SHANK2: variants seen among roughly 807,000 people sequenced by gnomAD.
SHANK2 encodes the protein SH3 and multiple ankyrin repeat domains protein 2.
A neutral mutation model predicts 133.7 loss-of-function variants in SHANK2; 43 were observed. The ratio of observed to expected loss-of-function variants is 0.32; its 90% CI spans 0.25 to 0.41. The LOEUF (loss-of-function observed/expected upper bound fraction) is 0.41, where lower values mean the gene tolerates loss of function less well. Among genes scored for constraint, SHANK2 ranks in the 10% least tolerant of loss-of-function variants. The pLI, the probability that SHANK2 is intolerant of heterozygous loss-of-function variation, is 1.00. For synonymous variants in SHANK2, 1,017 were observed against 952.8 expected, an observed-to-expected ratio of 1.07 and a Z score of -1.24; for missense variants, 1,994 against 2,235.8, an observed-to-expected ratio of 0.89 and a Z score of 2.18.
intron 10 of SHANK2, among the ~76,000 whole-genome samples, chr11:70,949,170 G>T (rs1405096508): frequency 2.6e-5 from 4 of 152,210 alleles, no homozygotes; most frequent in African/African-American, 9.6e-5. Context: ...TGATTTGCTT[G>T]GTCACTCACA....
At chr11:70,745,617 A>G (rs1196644894) in intron 14 of SHANK2, among the ~76,000 whole-genome samples, 1 of 152,080 alleles carries the variant, frequency 6.6e-6, no homozygotes, top group Non-Finnish European at 1.5e-5. Flanking sequence ...GAGAGCCCCA[A>G]TCCTCTCCGG....
At chr11:70,630,999 A>C (rs2060977752) in intron 17 of SHANK2, 1 of 152,274 alleles carries the variant, frequency 6.6e-6, no homozygotes, top group South Asian at 2.1e-4. Flanking sequence ...ACAGGGAGCA[A>C]CTGGCAGCAG....
chr11:70,817,351 T>C (rs1256364176), intron 12 of SHANK2, among the ~76,000 whole-genome samples: 1 of 151,914 alleles, frequency 6.6e-6, no homozygotes, highest in African/African-American at 2.4e-5. Context: ...CCTGGACAGA[T>C]GGATATGGAC....
intron 10 of SHANK2, chr11:70,907,934 C>G: frequency 2.2e-6 from 1 of 450,730 alleles, no homozygotes; most frequent in Non-Finnish European, 4.5e-6. Context: ...AAACCCATCT[C>G]CACCAAAAAT....
At chr11:71,063,017 A>G in intron 9 of SHANK2, among the ~76,000 whole-genome samples, 1 of 137,628 alleles carries the variant, frequency 7.3e-6, no homozygotes, top group African/African-American at 2.5e-5. Context: ...AAAAAAAAAA[A>G]GATAGAGAGT....
At chr11:71,104,009 G>A (rs1337127339) in intron 6 of SHANK2, among the ~76,000 whole-genome samples, 2 of 151,688 alleles carry the variant, frequency 1.3e-5, no homozygotes, top group Non-Finnish European at 2.9e-5. Context: ...GCTCCCTGAG[G>A]CCTCCCCAGA....
chr11:70,539,572 T>C (rs1554974822), intron 17 of SHANK2, among the ~76,000 whole-genome samples: 1 of 102,324 alleles, frequency 9.8e-6, no homozygotes, highest in African/African-American at 3.2e-5. Context: ...CGCTCACTCA[T>C]GAGTGGATGA....
chr11:70,536,076 C>T (rs1315088127), intron 17 of SHANK2, among the ~76,000 whole-genome samples: 2 of 152,234 alleles, frequency 1.3e-5, no homozygotes, highest in African/African-American at 4.8e-5. Context: ...CCCCAGGCCC[C>T]AGCCACCGAC....
chr11:71,242,209 G>A (rs768275624), intron 1 of SHANK2, among the ~76,000 whole-genome samples: 10 of 152,088 alleles, frequency 6.6e-5, no homozygotes, highest in Non-Finnish European at 1.2e-4. Context: ...AAACAGACTG[G>A]TGGTCGCCAG....
At chr11:71,148,533 G>T (rs7107858) in intron 2 of SHANK2, among the ~76,000 whole-genome samples, 55,657 of 152,104 alleles carry the variant, frequency 0.37, 12,899 homozygotes, top group African/African-American at 0.66. Flanking sequence ...CAGGGACTGG[G>T]GGAGGAGGGG....
intron 16 of SHANK2, 118 bp downstream of exon 16, chr11:70,661,478 G>T: frequency 9.2e-7 from 1 of 1,088,200 alleles, no homozygotes; most frequent in African/African-American, 1.6e-5. Context: ...CTGAGCTGGG[G>T]AACGTTTTTC....
At position 70,594,233 on chromosome 11, in the gene SHANK2, A is replaced by G. The variant is rs1011132313; in HGVS notation, c.2061+65595T>C. On this transcript the variant is annotated intron_variant, in intron 17 of 25. Coordinates refer to ENST00000601538, the MANE Select transcript of SHANK2 (RefSeq NM_012309.5). The stretch of plus-strand genomic sequence containing the variant: ...CCACAAAAAGGACCGCAGCTTTGAC[A>G]TGCCGGGGCGTGGGGGATGCTCAGC... 5.2e-5 allele frequency among the ~76,000 whole-genome samples: 8 copies of G among 152,384 alleles called. No individual in the cohort carries two copies. In the Middle Eastern group the frequency reaches 0.01, roughly 194 times the overall value.
chr11:70,942,362 T>C (rs1315137268), intron 10 of SHANK2, among the ~76,000 whole-genome samples: 1 of 152,074 alleles, frequency 6.6e-6, no homozygotes, highest in Admixed American at 6.5e-5. Context: ...CTGAGGGGTG[T>C]CCTGGCTTTA....
At chr11:70,775,988 G>C (rs72933262) in intron 14 of SHANK2, among the ~76,000 whole-genome samples, 1 of 152,090 alleles carries the variant, frequency 6.6e-6, no homozygotes, top group Non-Finnish European at 1.5e-5. Context: ...AGGTTGCAGC[G>C]GGGGCAGGGG....
chr11:71,237,331 T>C (rs782680857), intron 1 of SHANK2, among the ~76,000 whole-genome samples: 1 of 152,124 alleles, frequency 6.6e-6, no homozygotes, highest in Non-Finnish European at 1.5e-5. Context: ...CCCCAGCCTG[T>C]TTTTATAAGT....
intron 9 of SHANK2, among the ~76,000 whole-genome samples, chr11:71,060,061 C>G (rs1355500855): frequency 1.3e-5 from 2 of 152,182 alleles, no homozygotes; most frequent in Admixed American, 6.5e-5. Flanking sequence ...CACCCCGATT[C>G]CAATTAGAAG....
intron 11 of SHANK2, among the ~76,000 whole-genome samples, chr11:70,860,726 C>T (rs1224329819): frequency 2.6e-5 from 4 of 152,120 alleles, no homozygotes; most frequent in African/African-American, 4.8e-5. Flanking sequence ...TAGAAATACA[C>T]GCAAGGGGCC....
intron 11 of SHANK2, among the ~76,000 whole-genome samples, chr11:70,884,820 A>G (rs1455526983): frequency 6.6e-6 from 1 of 152,312 alleles, no homozygotes; most frequent in East Asian, 1.9e-4. Context: ...TCCCAGGTTC[A>G]AGCGATTCTC....
intron 8 of SHANK2, among the ~76,000 whole-genome samples, chr11:71,078,464 A>G (rs1951249211): frequency 6.6e-6 from 1 of 152,284 alleles, no homozygotes; most frequent in South Asian, 2.1e-4. Flanking sequence ...AATGGATGCC[A>G]AAACTGTCAG....
Sources: gnomAD v4.1 joint callset for allele counts (sites outside exome capture counted in the v4.1 genomes callset) on GRCh38, gnomAD v4.1.1 for gene constraint, MANE v1.5 for transcripts, NCBI Gene and HGNC (gene_info 2026-07-23, HGNC 2026-07-21) for gene names.